The following LMBR1 variants were observed in gnomAD, a reference collection of about 807,000 sequenced individuals.
LMBR1 encodes the protein limb region 1 protein homolog.
Under a neutral mutation model 73.9 loss-of-function variants are expected in LMBR1, and 52 were observed. The observed-to-expected ratio is 0.70, with a 90% CI of 0.56 to 0.89. LMBR1 has a LOEUF of 0.89. LMBR1 is among the 40% of genes least tolerant of loss of function. LMBR1 has a pLI of 0.00. For synonymous variants in LMBR1, 215 were observed against 209.4 expected (o/e 1.03, Z -0.23); for missense variants, 539 against 579.8 (o/e 0.93, Z 0.72).
At chr7:156,860,796 G>A (rs1201849374) in intron 1 of LMBR1, among the ~76,000 whole-genome samples, 1 of 152,244 alleles carries the variant, frequency 6.6e-6, no homozygotes, top group East Asian at 1.9e-4. Context: ...ATCCAGTGGG[G>A]CAGTCAAATC....
chr7:156,749,302 T>C (rs903779215), intron 9 of LMBR1, among the ~76,000 whole-genome samples: 1 of 152,306 alleles, frequency 6.6e-6, no homozygotes, highest in East Asian at 1.9e-4. Flanking sequence ...TATGAAAGAA[T>C]GTAATGACCA....
In LMBR1 at chr7:156,826,619, C is replaced by T; in HGVS notation, c.305G>A (p.Gly102Asp). Residue 102 changes from glycine (G) to aspartate (D), a missense_variant, in exon 4 of 17, where the codon GGC (glycine) becomes GAC (aspartate). Coordinates refer to ENST00000353442, the MANE Select transcript of LMBR1 (RefSeq NM_022458.4). ...PQNYYIQWLN[G>D]SLIHGLWNLA... ...TATATACTAACCATGAATCAGGGAG[C>T]CATTTAGCCACTGAATATAGTAGTT... is the stretch of plus-strand genomic sequence containing the variant. 5 of 1,554,324 alleles carry T rather than the reference C, an allele frequency of 3.2e-6. No homozygotes were observed. Among genetic ancestry groups the T allele is most frequent in the Non-Finnish European group, 3.5e-6 (4 of 1,145,230 alleles).
intron 1 of LMBR1, among the ~76,000 whole-genome samples, chr7:156,850,110 G>C (rs886592957): frequency 1.1e-4 from 16 of 152,202 alleles, no homozygotes; most frequent in Admixed American, 5.2e-4. Flanking sequence ...TTGAGGTGGG[G>C]CTTCAAAAGT....
chr7:156,792,454 T>C (rs1174765697), intron 5 of LMBR1, among the ~76,000 whole-genome samples: 1 of 152,194 alleles, frequency 6.6e-6, no homozygotes, highest in Non-Finnish European at 1.5e-5. Context: ...TAAGTCTAAA[T>C]TCCAAGATAA....
At chr7:156,890,456 A>G (rs150763969) in intron 1 of LMBR1, among the ~76,000 whole-genome samples, 104 of 152,378 alleles carry the variant, frequency 6.8e-4, no homozygotes, top group African/African-American at 2.4e-3. Context: ...ATCCACCTGT[A>G]TAACAATATA....
intron 1 of LMBR1, among the ~76,000 whole-genome samples, chr7:156,885,356 GAA>G (rs77851787): frequency 0.025 from 3,086 of 123,998 alleles, 93 homozygotes; most frequent in African/African-American, 0.086. Context: ...CCGTGTAAAA[GAA>G]AAAAAAAAAA....
intron 2 of LMBR1, among the ~76,000 whole-genome samples, chr7:156,836,562 T>C (rs1015676489): frequency 6.6e-6 from 1 of 152,134 alleles, no homozygotes; most frequent in African/African-American, 2.4e-5. Context: ...AGATACTAAA[T>C]AGCCTAGCAC....
At chr7:156,890,376 T>C (rs900815722) in intron 1 of LMBR1, among the ~76,000 whole-genome samples, 1 of 152,168 alleles carries the variant, frequency 6.6e-6, no homozygotes, top group Non-Finnish European at 1.5e-5. Flanking sequence ...GAAGATATCA[T>C]TAAAAGTGAA....
intron 9 of LMBR1, among the ~76,000 whole-genome samples, chr7:156,748,647 C>T (rs748054646): frequency 1.3e-5 from 2 of 152,010 alleles, no homozygotes; most frequent in South Asian, 2.1e-4. Context: ...TGCCACCACG[C>T]CCAGCTAATT....
At chr7:156,759,414 C>A (rs1277527847) in intron 8 of LMBR1, among the ~76,000 whole-genome samples, 1 of 152,206 alleles carries the variant, frequency 6.6e-6, no homozygotes. Context: ...TGGGTTCACA[C>A]TCTGCCCCCT....
intron 10 of LMBR1, among the ~76,000 whole-genome samples, chr7:156,729,833 A>G (rs532698596): frequency 2.6e-5 from 4 of 152,338 alleles, no homozygotes; most frequent in African/African-American, 9.6e-5. Flanking sequence ...GCAAACTTCT[A>G]CTTTTACCTA....
chr7:156,686,666 T>G lies in LMBR1; in HGVS notation c.1387+1364A>C, dbSNP rs140574806. Among the ~76,000 whole-genome samples, 1,135 of 152,326 alleles carry G rather than the reference T, an allele frequency of 7.5e-3. 11 individuals are homozygous for G. Among genetic ancestry groups the G allele is most frequent in the African/African-American group, 0.026 (1,082 of 41,554 alleles). On this transcript the variant is annotated intron_variant, in intron 16 of 16. Coordinates refer to ENST00000353442, the MANE Select transcript of LMBR1 (RefSeq NM_022458.4). ...AAGGCCTTTTATATCAGGTTATGTT[T>G]TATTACTTTAATAAAGGCTTTCTTA...
chr7:156,810,831 T>G (rs566702905), intron 4 of LMBR1, among the ~76,000 whole-genome samples: 4 of 151,982 alleles, frequency 2.6e-5, no homozygotes, highest in Non-Finnish European at 4.4e-5. Flanking sequence ...TTTTTTTACA[T>G]GGAGTGTTGC....
intron 5 of LMBR1, among the ~76,000 whole-genome samples, chr7:156,789,526 A>G (rs1238317339): frequency 6.6e-6 from 1 of 152,242 alleles, no homozygotes; most frequent in Non-Finnish European, 1.5e-5. Flanking sequence ...TGACAAATAA[A>G]TGGACTGTAA....
At chr7:156,693,242 ATC>A (rs1449238195) in intron 15 of LMBR1, among the ~76,000 whole-genome samples, 1 of 151,130 alleles carries the variant, frequency 6.6e-6, no homozygotes, top group African/African-American at 2.4e-5. Flanking sequence ...AAGTATAATA[ATC>A]TCAAAGAACA....
intron 12 of LMBR1, among the ~76,000 whole-genome samples, chr7:156,726,991 T>A (rs1183490059): frequency 1.3e-5 from 2 of 152,216 alleles, no homozygotes; most frequent in African/African-American, 4.8e-5. Flanking sequence ...AACCAGAGCA[T>A]AAAAGTACAC....
chr7:156,713,312 G>C (rs980023322), intron 15 of LMBR1, among the ~76,000 whole-genome samples: 17 of 152,244 alleles, frequency 1.1e-4, no homozygotes, highest in African/African-American at 4.1e-4. Context: ...TGCCATAACA[G>C]TGGATATGGG....
intron 5 of LMBR1, among the ~76,000 whole-genome samples, chr7:156,777,157 G>A (rs757674753): frequency 2.6e-5 from 4 of 152,064 alleles, no homozygotes; most frequent in East Asian, 1.9e-4. Flanking sequence ...GGATGGTCTC[G>A]ATCTCCTGAC....
chr7:156,809,347 T>A (rs945120974), intron 4 of LMBR1, among the ~76,000 whole-genome samples: 1 of 152,218 alleles, frequency 6.6e-6, no homozygotes, highest in Non-Finnish European at 1.5e-5. Context: ...GGATTTTTCT[T>A]TTAGTACAAT....
Sources: allele counts gnomAD v4.1 joint callset (sites outside exome capture counted in the v4.1 genomes callset), GRCh38; gene constraint gnomAD v4.1.1; transcripts MANE v1.5; gene names NCBI Gene and HGNC (gene_info 2026-07-23, HGNC 2026-07-21).